The following ATP8A1 variants were observed in gnomAD, a reference collection of about 807,000 sequenced individuals.
ATP8A1 encodes the protein phospholipid-transporting ATPase IA.
Under a neutral mutation model 177.7 loss-of-function variants are expected in ATP8A1, and 90 were observed. That is an observed-to-expected ratio of 0.51 (90% CI 0.43 to 0.60). ATP8A1 has a LOEUF of 0.60. Ranked by LOEUF, ATP8A1 falls within the 20% of genes least tolerant of loss-of-function variation. The pLI, the probability that ATP8A1 is intolerant of heterozygous loss-of-function variation, is 0.00. For synonymous variants in ATP8A1, 493 were observed against 485.9 expected, an observed-to-expected ratio of 1.01 and a Z score of -0.19; for missense variants, 1,072 against 1,392.8, an observed-to-expected ratio of 0.77 and a Z score of 3.67.
intron 3 of ATP8A1, among the ~76,000 whole-genome samples, chr4:42,624,955 T>C (rs4861209): frequency 0.78 from 117,892 of 151,404 alleles, 46,027 homozygotes; most frequent in Non-Finnish European, 0.82. Context: ...AAAATATCCA[T>C]ACATTGTTAT....
rs987357021 is a variant in ATP8A1, at chr4:42,424,273, C to CA, written c.3124-569dup. Among the ~76,000 whole-genome samples the CA allele has an allele frequency of 2.3e-3, 336 of 144,588 alleles. 1 individual carries two copies. The highest frequency in any genetic ancestry group is 4.9e-3 in the African/African-American group (195 of 39,408). 94.9% of individuals were successfully genotyped at this position (144,588 alleles called of 152,430 possible). A position where few individuals can be genotyped will look rare whatever the true frequency, so the allele number is the denominator to read the frequency against. On this transcript the variant is annotated intron_variant, in intron 33 of 36. Transcript: ENST00000381668. Reference sequence around the variant, plus strand: ...TGCTGTATTAGAGCCTTTTGGGTTGCAAAAAAAAATGATTCTGTAATTTAA... The same window carrying CA: ...TGCTGTATTAGAGCCTTTTGGGTTGCAAAAAAAAAATGATTCTGTAATTTAA...
At chr4:42,608,041 G>A (rs922523508) in intron 5 of ATP8A1, among the ~76,000 whole-genome samples, 4 of 152,212 alleles carry the variant, frequency 2.6e-5, no homozygotes, top group Non-Finnish European at 5.9e-5. Flanking sequence ...CCATGGGAGA[G>A]CTCAGACTAA....
intron 9 of ATP8A1, 132 bp downstream of exon 9, chr4:42,586,217 A>T: frequency 4.1e-6 from 4 of 976,850 alleles, no homozygotes; most frequent in Non-Finnish European, 5.9e-6. Flanking sequence ...GCAGAATAAA[A>T]ATGCTTTAAA....
At chr4:42,547,458 A>G (rs1729044120) in intron 19 of ATP8A1, among the ~76,000 whole-genome samples, 1 of 152,200 alleles carries the variant, frequency 6.6e-6, no homozygotes, top group Admixed American at 6.5e-5. Flanking sequence ...TTGAGTCCTG[A>G]AAGAACAGAA....
intron 25 of ATP8A1, among the ~76,000 whole-genome samples, chr4:42,475,337 TC>T (rs955018477): frequency 2.7e-4 from 41 of 152,056 alleles, no homozygotes; most frequent in African/African-American, 9.4e-4. Flanking sequence ...TTTTGGAGAC[TC>T]AAGGTCTTAC....
intron 25 of ATP8A1, among the ~76,000 whole-genome samples, chr4:42,476,688 AG>A (rs1721100642): frequency 6.6e-6 from 1 of 152,300 alleles, no homozygotes; most frequent in South Asian, 2.1e-4. Context: ...AAACCATAAA[AG>A]GAAAAAATTA....
chr4:42,460,153 T>C (rs1560348403), intron 27 of ATP8A1, among the ~76,000 whole-genome samples: 1 of 152,168 alleles, frequency 6.6e-6, no homozygotes, highest in Admixed American at 6.6e-5. Flanking sequence ...CCAAACTGCC[T>C]GTACACTTCA....
Position 42,554,989 on chromosome 4 carries a change from T to C in ATP8A1, c.1413+979A>G, listed in dbSNP as rs188613921. On this transcript the variant is annotated intron_variant, in intron 16 of 36. Transcript: ENST00000381668. ...CATTGAACTCCAAGTTTTTCAGCTT[T>C]GGGACTTGGACTGGCTTCCTTGCTC... Among the ~76,000 whole-genome samples, 6 of 152,308 alleles carry C rather than the reference T, an allele frequency of 3.9e-5. No homozygotes were observed. The East Asian group carries it at 9.7e-4, about 25-fold the overall frequency.
intron 1 of ATP8A1, among the ~76,000 whole-genome samples, chr4:42,633,453 G>A (rs1205642041): frequency 6.6e-6 from 1 of 152,106 alleles, no homozygotes; most frequent in African/African-American, 2.4e-5. Flanking sequence ...ACATACTTAA[G>A]AATCTACTAT....
chr4:42,529,082 T>G (rs1316850754), intron 20 of ATP8A1, among the ~76,000 whole-genome samples: 3 of 152,162 alleles, frequency 2.0e-5, no homozygotes, highest in African/African-American at 7.2e-5. Flanking sequence ...ATTTATCAAG[T>G]GACCCTAAAG....
chr4:42,586,151 C>T (rs1733591370), intron 9 of ATP8A1, among the ~76,000 whole-genome samples, 198 bp downstream of exon 9: 1 of 152,162 alleles, frequency 6.6e-6, no homozygotes, highest in South Asian at 2.1e-4. Flanking sequence ...TCTGGGAAGT[C>T]ATCAGCTATA....
chr4:42,608,362 C>A (rs1390836112), intron 5 of ATP8A1, among the ~76,000 whole-genome samples: 1 of 118,044 alleles, frequency 8.5e-6, no homozygotes, highest in Admixed American at 8.6e-5. Flanking sequence ...GCAATAATAT[C>A]ATTTTTTTTT....
In ATP8A1 at chr4:42,583,794, A is replaced by C. The variant is rs541325357; in HGVS notation, c.723-2062T>G. ...CACATGAAATACAGCATATTATATA[A>C]ATTCTCTTTGTACCTTGAATCTTGG... On this transcript the variant is annotated intron_variant, in intron 9 of 36. Transcript: ENST00000381668. Among the ~76,000 whole-genome samples the C allele has an allele frequency of 1.3e-4, 20 of 152,304 alleles. No homozygotes were observed. In the South Asian group the frequency reaches 3.3e-3, roughly 25 times the overall value.
At position 42,464,818 on chromosome 4, in the gene ATP8A1, A is replaced by G; in HGVS notation, c.2509-18T>C. ...TATTTGAACTAAAACAAGAGTGGGA[A>G]AAAATTAGTATTTTCCTTTTCAAAG... On this transcript the variant is annotated intron_variant, in intron 26 of 36. Transcript: ENST00000381668. 1.2e-6 allele frequency: 2 copies of G among 1,611,992 alleles called. No individual in the cohort carries two copies. The highest frequency in any genetic ancestry group is 1.7e-6 in the Non-Finnish European group (2 of 1,178,728).
At chr4:42,430,315 T>C (rs1002121298) in intron 33 of ATP8A1, among the ~76,000 whole-genome samples, 2 of 151,950 alleles carry the variant, frequency 1.3e-5, no homozygotes, top group Non-Finnish European at 2.9e-5. Context: ...TCCCTGTACA[T>C]ACTATTCTTA....
chr4:42,452,273 T>C (rs1467368360), intron 29 of ATP8A1, among the ~76,000 whole-genome samples: 1 of 152,210 alleles, frequency 6.6e-6, no homozygotes, highest in Non-Finnish European at 1.5e-5. Context: ...TCAGCTTCAC[T>C]TGAATTTTTT....
intron 25 of ATP8A1, among the ~76,000 whole-genome samples, chr4:42,480,494 T>C (rs1721565243): frequency 6.6e-6 from 1 of 152,210 alleles, no homozygotes; most frequent in Non-Finnish European, 1.5e-5. Flanking sequence ...TGGCATCCAA[T>C]GGTGTTCACA....
intron 18 of ATP8A1, among the ~76,000 whole-genome samples, chr4:42,550,758 C>T (rs1024188253): frequency 2.0e-5 from 3 of 152,202 alleles, no homozygotes; most frequent in African/African-American, 7.2e-5. Flanking sequence ...TTAATTGTAT[C>T]TCCCCAATGA....
intron 25 of ATP8A1, chr4:42,471,726 G>T: frequency 3.5e-6 from 1 of 282,832 alleles, no homozygotes; most frequent in Admixed American, 4.3e-5. Context: ...TAGTTATATT[G>T]AACCTAGCAC....
Sources: allele counts gnomAD v4.1 joint callset (sites outside exome capture counted in the v4.1 genomes callset), GRCh38; gene constraint gnomAD v4.1.1; transcripts MANE v1.5; gene names NCBI Gene and HGNC (gene_info 2026-07-23, HGNC 2026-07-21).